The following TRAPPC9 variants were observed in gnomAD, a reference collection of about 807,000 sequenced individuals.
TRAPPC9 encodes IKK2 binding protein.
Under a neutral mutation model 124.0 loss-of-function variants are expected in TRAPPC9, and 83 were observed. The ratio of observed to expected loss-of-function variants is 0.67; its 90% CI spans 0.56 to 0.80. The LOEUF (loss-of-function observed/expected upper bound fraction) is 0.80. TRAPPC9 is among the 30% of genes least tolerant of loss of function. The probability of loss-of-function intolerance (pLI) is 0.00; values close to 1 mark genes in which losing one functional copy is unlikely to be tolerated. For missense variants in TRAPPC9, 1,302 were observed against 1,508.3 expected, an observed-to-expected ratio of 0.86 and a Z score of 2.27; for synonymous variants, 638 against 617.5, an observed-to-expected ratio of 1.03 and a Z score of -0.49.
intron 17 of TRAPPC9, among the ~76,000 whole-genome samples, chr8:140,066,878 C>T (rs1456981929): frequency 6.6e-6 from 1 of 152,186 alleles, no homozygotes; most frequent in Non-Finnish European, 1.5e-5. Context: ...TTCCCTGCAG[C>T]ACTTGCAGGG....
At chr8:140,134,686 A>C (rs1304584006) in intron 17 of TRAPPC9, among the ~76,000 whole-genome samples, 1 of 152,252 alleles carries the variant, frequency 6.6e-6, no homozygotes, top group African/African-American at 2.4e-5. Flanking sequence ...CATATATATA[A>C]ATTAACTCAA....
chr8:140,198,780 G>GCCT (rs1001271289), intron 17 of TRAPPC9, among the ~76,000 whole-genome samples: 3 of 152,194 alleles, frequency 2.0e-5, no homozygotes, highest in African/African-American at 7.2e-5. Context: ...CTCCAAGTCT[G>GCCT]CCTCCTCTCT....
chr8:140,294,750 G>A lies in TRAPPC9; in HGVS notation c.1769-3672C>T, dbSNP rs149497460. On this transcript the variant is annotated intron_variant, in intron 11 of 22. Coordinates refer to ENST00000438773, the MANE Select transcript of TRAPPC9 (RefSeq NM_001160372.4). ...AGCCTCCCAAGTAGCTGGGACTACA[G>A]GTGTGCGCCACCATGCCCGGCTAAA... Among the ~76,000 whole-genome samples the A allele has an allele frequency of 1.7e-3, 257 of 147,024 alleles. 2 individuals carry two copies. The highest frequency in any genetic ancestry group is 6.2e-3 in the African/African-American group (245 of 39,354).
At chr8:140,199,085 GAGA>G (rs1437856869) in intron 17 of TRAPPC9, among the ~76,000 whole-genome samples, 2 of 152,186 alleles carry the variant, frequency 1.3e-5, no homozygotes, top group Non-Finnish European at 2.9e-5. Flanking sequence ...TTCAGAGAGA[GAGA>G]AGAATGGGTG....
At chr8:139,859,863 C>T (rs901611342) in intron 21 of TRAPPC9, among the ~76,000 whole-genome samples, 13 of 152,220 alleles carry the variant, frequency 8.5e-5, no homozygotes, top group African/African-American at 3.1e-4. Context: ...ACCTGCTCTG[C>T]TAATTCTTTA....
At chr8:139,932,971 A>C (rs1833288385) in intron 19 of TRAPPC9, 1 of 162,248 alleles carries the variant, frequency 6.2e-6, no homozygotes, top group Non-Finnish European at 1.3e-5. Context: ...GCTCCGGTGC[A>C]CAAATGCTTT....
chr8:140,435,176 C>T lies in TRAPPC9; in HGVS notation c.795G>A (p.Lys265=), dbSNP rs2070771059. The change falls in exon 4 of 23, where the codon AAG becomes AAA. Residue 265 remains lysine, a synonymous_variant. Transcript: ENST00000438773. ...TGCCCTGGAACCTCCGAGCTCCACT[C>T]TTCCCACCAGTTCCACCAGGATAGT... The part of the protein sequence containing the change: ...IYHYPGGTGG[K]SGARRFQGST... 6 of 1,614,126 alleles carry T rather than the reference C, an allele frequency of 3.7e-6. No individual in the cohort carries two copies. The highest frequency in any genetic ancestry group is 4.2e-6 in the Non-Finnish European group (5 of 1,179,956).
At position 140,435,166 on chromosome 8, in the gene TRAPPC9, G is replaced by A. The variant is rs779077167; in HGVS notation, c.805C>T (p.Arg269Trp). ...PGGTGGKSGA[R>W]RFQGSTLPAE... The stretch of plus-strand genomic sequence containing the variant: ...GGAAGGGTGCTGCCCTGGAACCTCC[G>A]AGCTCCACTCTTCCCACCAGTTCCA... The change falls in exon 4 of 23, where the codon CGG becomes TGG. Residue 269 changes from arginine (R) to tryptophan (W), a missense_variant. Around this residue, in one of 3 missense-constraint regions of TRAPPC9, gnomAD observed 657 missense variants for 811.2 expected, o/e 0.81. Coordinates refer to ENST00000438773, the MANE Select transcript of TRAPPC9 (RefSeq NM_001160372.4). The A allele has an allele frequency of 1.9e-4, 304 of 1,613,938 alleles. 1 individual carries two copies. The highest frequency in any genetic ancestry group is 6.6e-4 in the Middle Eastern group (4 of 6,084).
At chr8:139,865,195 C>T (rs985902780) in intron 21 of TRAPPC9, among the ~76,000 whole-genome samples, 3 of 152,158 alleles carry the variant, frequency 2.0e-5, no homozygotes, top group Admixed American at 6.5e-5. Flanking sequence ...GCTCTCAGGG[C>T]AAGAGCCACA....
chr8:139,947,413 G>A (rs150889498), intron 19 of TRAPPC9, among the ~76,000 whole-genome samples: 60 of 152,306 alleles, frequency 3.9e-4, no homozygotes, highest in Admixed American at 1.7e-3. Context: ...ACAGAAGAAT[G>A]ACAAACTAAC....
chr8:140,034,349 C>T (rs1361614461), intron 17 of TRAPPC9, among the ~76,000 whole-genome samples: 1 of 152,200 alleles, frequency 6.6e-6, no homozygotes, highest in Non-Finnish European at 1.5e-5. Context: ...CCTCTCCACC[C>T]TACCCTCTTC....
At chr8:140,049,186 C>T (rs889102575) in intron 17 of TRAPPC9, among the ~76,000 whole-genome samples, 3 of 152,214 alleles carry the variant, frequency 2.0e-5, no homozygotes, top group African/African-American at 7.2e-5. Context: ...TAAACCCCCA[C>T]GTTCGCAGGA....
At chr8:140,360,888 C>A (rs950791790) in intron 8 of TRAPPC9, among the ~76,000 whole-genome samples, 1 of 152,182 alleles carries the variant, frequency 6.6e-6, no homozygotes, top group African/African-American at 2.4e-5. Flanking sequence ...CAGTTACACA[C>A]CGCCATGCCC....
intron 21 of TRAPPC9, among the ~76,000 whole-genome samples, chr8:139,878,133 A>C (rs1214071889): frequency 2.6e-5 from 4 of 152,260 alleles, no homozygotes; most frequent in African/African-American, 9.6e-5. Flanking sequence ...CTAAATGTTC[A>C]ACAATAGAAC....
chr8:139,982,933 G>A (rs545650646), intron 19 of TRAPPC9, among the ~76,000 whole-genome samples: 1 of 152,194 alleles, frequency 6.6e-6, no homozygotes, highest in South Asian at 2.1e-4. Flanking sequence ...GCTCTCCCTG[G>A]CACACTGGCC....
chr8:140,114,331 A>AG (rs1174711767), intron 17 of TRAPPC9, among the ~76,000 whole-genome samples: 1 of 109,576 alleles, frequency 9.1e-6, no homozygotes, highest in Non-Finnish European at 1.9e-5. Context: ...AAAGGACTGA[A>AG]GAAAAAAAAA....
At chr8:139,958,080 G>C (rs1027684926) in intron 19 of TRAPPC9, among the ~76,000 whole-genome samples, 1 of 152,160 alleles carries the variant, frequency 6.6e-6, no homozygotes, top group Admixed American at 6.5e-5. Flanking sequence ...CCAATCATGC[G>C]CGAGTCAGTT....
intron 9 of TRAPPC9, among the ~76,000 whole-genome samples, chr8:140,351,233 C>T (rs1250135035): frequency 7.9e-6 from 1 of 126,798 alleles, no homozygotes; most frequent in Non-Finnish European, 1.7e-5. Flanking sequence ...CCCCTCCAGC[C>T]CCCCACGCTG....
chr8:140,110,960 C>T (rs1171417916), intron 17 of TRAPPC9, among the ~76,000 whole-genome samples: 1 of 100,070 alleles, frequency 1.0e-5, no homozygotes, highest in African/African-American at 4.3e-5. Context: ...TAGCTCCCCC[C>T]TGCAGCCCCT....
Sources: allele counts gnomAD v4.1 joint callset (sites outside exome capture counted in the v4.1 genomes callset), GRCh38; gene constraint gnomAD v4.1.1; regional missense constraint gnomAD v4.1.1; transcripts MANE v1.5; gene names NCBI Gene and HGNC (gene_info 2026-07-23, HGNC 2026-07-21).